The following GPR158 variants were observed in gnomAD, a reference collection of about 807,000 sequenced individuals.
GPR158 encodes the protein G protein-coupled receptor 158.
In GPR158, 30 loss-of-function variants were observed where a neutral mutation model predicts 78.2. The ratio of observed to expected loss-of-function variants is 0.38; its 90% CI spans 0.29 to 0.52. The LOEUF (loss-of-function observed/expected upper bound fraction) is 0.52, where lower values mean the gene tolerates loss of function less well. Among genes scored for constraint, GPR158 ranks in the 20% least tolerant of loss-of-function variants. GPR158 has a pLI of 0.83. For synonymous variants in GPR158, 581 were observed against 591.1 expected (o/e 0.98, Z 0.25); for missense variants, 1,463 against 1,523.5 (o/e 0.96, Z 0.66).
At chr10:25,214,761 C>T (rs891322480) in intron 1 of GPR158, among the ~76,000 whole-genome samples, 4 of 151,870 alleles carry the variant, frequency 2.6e-5, no homozygotes, top group African/African-American at 4.8e-5. Context: ...AGGAGACAGA[C>T]ATGCATAGAG....
intron 2 of GPR158, among the ~76,000 whole-genome samples, chr10:25,389,853 G>A (rs1576320): frequency 0.64 from 97,968 of 151,894 alleles, 32,565 homozygotes; most frequent in Non-Finnish European, 0.73. Flanking sequence ...CTGTTGATAT[G>A]GTTTGGCTTT....
intron 1 of GPR158, among the ~76,000 whole-genome samples, chr10:25,189,813 AAAGAG>A (rs934514692): frequency 2.0e-5 from 3 of 150,620 alleles, no homozygotes; most frequent in African/African-American, 4.9e-5. Flanking sequence ...AAAAAAAAAA[AAAGAG>A]AAAAGAAAGG....
intron 5 of GPR158, among the ~76,000 whole-genome samples, chr10:25,542,738 C>T (rs1318297953): frequency 2.0e-5 from 3 of 147,912 alleles, no homozygotes; most frequent in Non-Finnish European, 3.0e-5. Flanking sequence ...GCAGGAGAAT[C>T]GCTTGAACCC....
intron 2 of GPR158, among the ~76,000 whole-genome samples, chr10:25,276,429 A>G (rs779203956): frequency 1.3e-5 from 2 of 152,222 alleles, no homozygotes; most frequent in Non-Finnish European, 2.9e-5. Flanking sequence ...TGGAATGGGT[A>G]TAAGAATAAG....
rs1256819547 is a variant in GPR158 at position 25,342,932 on chromosome 10, TG to T, written c.1009-52975del. On this transcript the variant is annotated intron_variant, in intron 2 of 10. Coordinates refer to ENST00000376351, the MANE Select transcript of GPR158 (RefSeq NM_020752.3). ...AGATGGGGAGTGTACTGGGGATAAG[TG>T]GGGCTCCAGCTTTTTTTCACCTAAG... Among the ~76,000 whole-genome samples the T allele has an allele frequency of 2.0e-5, 3 of 152,012 alleles. No homozygotes were observed. The East Asian group carries it at 5.8e-4, about 30-fold the overall frequency.
intron 2 of GPR158, among the ~76,000 whole-genome samples, chr10:25,258,955 C>A (rs566466723): frequency 6.6e-6 from 1 of 152,116 alleles, no homozygotes; most frequent in Non-Finnish European, 1.5e-5. Context: ...GAAAATGTTA[C>A]TAGGCAAATC....
rs185789308 is a variant in GPR158 at position 25,550,876 on chromosome 10, T to A, written c.1405-100T>A. The A allele has an allele frequency of 3.2e-5, 23 of 726,010 alleles. No homozygotes were observed. In the East Asian group the frequency reaches 5.7e-4, roughly 18 times the overall value. The allele number at this position is 726,010 out of a possible 1,614,324, so 45.0% of individuals were successfully genotyped here. On this transcript the variant is annotated intron_variant, in intron 5 of 10. Coordinates refer to ENST00000376351, the MANE Select transcript of GPR158 (RefSeq NM_020752.3). Reference sequence around the variant, plus strand: ...AAAGAAGTATTCAGATGAGTGTATATCAAAATTCATATGTATGAAACATCA... The same window carrying A: ...AAAGAAGTATTCAGATGAGTGTATAACAAAATTCATATGTATGAAACATCA...
At chr10:25,496,139 T>C (rs1835877722) in intron 5 of GPR158, among the ~76,000 whole-genome samples, 1 of 152,194 alleles carries the variant, frequency 6.6e-6, no homozygotes, top group South Asian at 2.1e-4. Context: ...ATTAATGTCC[T>C]CTATTACACT....
chr10:25,589,438 G>A (rs1284858379), intron 8 of GPR158, among the ~76,000 whole-genome samples: 1 of 152,172 alleles, frequency 6.6e-6, no homozygotes, highest in Non-Finnish European at 1.5e-5. Flanking sequence ...TTTGTAATAT[G>A]TAGCTTCATT....
intron 6 of GPR158, among the ~76,000 whole-genome samples, chr10:25,558,758 G>A (rs1412984217): frequency 6.6e-6 from 1 of 152,174 alleles, no homozygotes; most frequent in Non-Finnish European, 1.5e-5. Flanking sequence ...CCATAAGGTA[G>A]TTAGAAGTGT....
intron 2 of GPR158, among the ~76,000 whole-genome samples, chr10:25,362,117 T>A (rs35931763): frequency 0.14 from 21,496 of 151,966 alleles, 1,843 homozygotes; most frequent in African/African-American, 0.24. Flanking sequence ...TTTAGATCTT[T>A]AATTATTTTG....
chr10:25,399,526 C>T (rs978447574), intron 3 of GPR158, among the ~76,000 whole-genome samples: 1 of 152,136 alleles, frequency 6.6e-6, no homozygotes, highest in Admixed American at 6.6e-5. Context: ...ATCCTGCATG[C>T]CCTCCACCTC....
At chr10:25,253,267 C>A (rs765888920) in intron 2 of GPR158, among the ~76,000 whole-genome samples, 4 of 152,122 alleles carry the variant, frequency 2.6e-5, no homozygotes, top group Admixed American at 2.6e-4. Flanking sequence ...CAGAAATCAC[C>A]GGTCTTCTGC....
chr10:25,188,353 T>A (rs1322625124), intron 1 of GPR158, among the ~76,000 whole-genome samples: 1 of 152,220 alleles, frequency 6.6e-6, no homozygotes, highest in African/African-American at 2.4e-5. Context: ...ATAGCAAAGC[T>A]GGAGGCATCA....
intron 2 of GPR158, among the ~76,000 whole-genome samples, chr10:25,297,625 A>T (rs978068071): frequency 6.6e-6 from 1 of 152,162 alleles, no homozygotes; most frequent in African/African-American, 2.4e-5. Flanking sequence ...TCTCCCACGT[A>T]CGTTGAATTT....
intron 4 of GPR158, among the ~76,000 whole-genome samples, chr10:25,430,694 C>G (rs1228753467): frequency 3.5e-5 from 5 of 142,016 alleles, no homozygotes; most frequent in Admixed American, 7.1e-5. Context: ...ACAGAGCCCT[C>G]AGAAATAATG....
chr10:25,252,266 C>T (rs1019822571), intron 2 of GPR158, among the ~76,000 whole-genome samples: 9 of 151,338 alleles, frequency 5.9e-5, no homozygotes, highest in Admixed American at 4.6e-4. Context: ...TGAATGTCCT[C>T]CTGTAGCTCA....
chr10:25,510,611 A>C (rs1836072505), intron 5 of GPR158, among the ~76,000 whole-genome samples: 1 of 152,116 alleles, frequency 6.6e-6, no homozygotes, highest in African/African-American at 2.4e-5. Flanking sequence ...TACATGAATA[A>C]GTTTTTTAGT....
At chr10:25,277,990 T>G (rs1219949691) in intron 2 of GPR158, among the ~76,000 whole-genome samples, 2 of 152,112 alleles carry the variant, frequency 1.3e-5, no homozygotes, top group Admixed American at 1.3e-4. Context: ...AGTGTCTAAT[T>G]GAGGCAAGTA....
Sources: gnomAD v4.1 joint callset for allele counts (sites outside exome capture counted in the v4.1 genomes callset) on GRCh38, gnomAD v4.1.1 for gene constraint, MANE v1.5 for transcripts, NCBI Gene and HGNC (gene_info 2026-07-23, HGNC 2026-07-21) for gene names.